CCDC171: variants seen among roughly 807,000 people sequenced by gnomAD.
The protein encoded by CCDC171 is coiled-coil domain containing 171, also known as coiled-coil domain-containing protein 171.
CCDC171 carries 177 observed loss-of-function variants against 168.2 expected under a neutral mutation model. That is an observed-to-expected ratio of 1.05 (90% CI 0.93 to 1.19). CCDC171 has a LOEUF of 1.19. Among genes scored for constraint, CCDC171 ranks in the 50% most tolerant of loss-of-function variants. The pLI is 0.00. For missense variants in CCDC171, 1,991 were observed against 1,539.0 expected (o/e 1.29, Z -4.91); for synonymous variants, 687 against 540.8 (o/e 1.27, Z -3.75).
At position 15,591,531 on chromosome 9, in the gene CCDC171, A is replaced by G. The variant is rs779680507; in HGVS notation, c.518A>G (p.Lys173Arg). Reference sequence around the variant, plus strand: ...GAATATGATTTACTTATGAAAGAAAAAAGCAGACTAGAGAAAACTCTACAG... The same window carrying G: ...GAATATGATTTACTTATGAAAGAAAGAAGCAGACTAGAGAAAACTCTACAG... Reference protein sequence around the residue: ...NREYDLLMKEKSRLEKTLQEA... With the variant: ...NREYDLLMKERSRLEKTLQEA... The change falls in exon 5 of 26, where the codon AAA becomes AGA. Residue 173 changes from lysine (K) to arginine (R), a missense_variant. Transcript: ENST00000380701. The G allele has an allele frequency of 6.3e-7, 1 of 1,580,678 alleles. No individual in the cohort carries two copies. The highest frequency in any genetic ancestry group is 1.9e-5 in the Admixed American group (1 of 52,578).
At chr9:15,608,786 A>G (rs1344721870) in intron 6 of CCDC171, among the ~76,000 whole-genome samples, 3 of 137,708 alleles carry the variant, frequency 2.2e-5, no homozygotes, top group Non-Finnish European at 4.7e-5. Context: ...TCTCTCTATG[A>G]AAAAAAAAAA....
chr9:15,698,096 T>G (rs2051358407), intron 11 of CCDC171, among the ~76,000 whole-genome samples: 1 of 152,194 alleles, frequency 6.6e-6, no homozygotes, highest in Non-Finnish European at 1.5e-5. Context: ...ACTCTAGAAC[T>G]TATTTCTTCT....
chr9:15,923,162 T>C (rs1166859936), intron 25 of CCDC171, among the ~76,000 whole-genome samples: 1 of 151,398 alleles, frequency 6.6e-6, no homozygotes. Flanking sequence ...AGTTACCCCA[T>C]GCTTTCTTCT....
At chr9:15,787,736 T>C (rs1166522937) in intron 21 of CCDC171, among the ~76,000 whole-genome samples, 1 of 152,204 alleles carries the variant, frequency 6.6e-6, no homozygotes, top group African/African-American at 2.4e-5. Context: ...TTACATTCTC[T>C]CCTAAGATAT....
At chr9:15,663,700 G>A (rs1215878930) in intron 8 of CCDC171, among the ~76,000 whole-genome samples, 1 of 149,882 alleles carries the variant, frequency 6.7e-6, no homozygotes, top group Non-Finnish European at 1.5e-5. Context: ...CTGCCTCCCA[G>A]ATTCATGCCA....
intron 7 of CCDC171, among the ~76,000 whole-genome samples, chr9:15,632,722 T>C (rs1040092921): frequency 3.9e-5 from 6 of 152,202 alleles, no homozygotes; most frequent in Admixed American, 3.9e-4. Context: ...AAGTCAATCC[T>C]AAGCCAAAAG....
At chr9:15,800,846 C>T (rs2058787250) in intron 21 of CCDC171, among the ~76,000 whole-genome samples, 1 of 151,988 alleles carries the variant, frequency 6.6e-6, no homozygotes, top group African/African-American at 2.4e-5. Flanking sequence ...TTCAATTTTC[C>T]CTACACTATT....
At chr9:15,595,148 ATT>A (rs201895652) in intron 6 of CCDC171, among the ~76,000 whole-genome samples, 1 of 148,980 alleles carries the variant, frequency 6.7e-6, no homozygotes, top group Non-Finnish European at 1.5e-5. Context: ...AAGCCACTTA[ATT>A]TTTTTTTTTA....
At chr9:15,779,705 G>A (rs185196085) in intron 20 of CCDC171, among the ~76,000 whole-genome samples, 102 of 152,258 alleles carry the variant, frequency 6.7e-4, no homozygotes, top group African/African-American at 2.4e-3. Flanking sequence ...AGATTATGTA[G>A]TATGAAATCA....
At chr9:15,974,921 C>T (rs1440435657), downstream of CCDC171, among the ~76,000 whole-genome samples, 1 of 151,840 alleles carries the variant, frequency 6.6e-6, no homozygotes, top group Non-Finnish European at 1.5e-5. Flanking sequence ...GGAAGTTGAT[C>T]CTATTTCACT....
rs779360486 is a variant in CCDC171, at chr9:15,846,710, C to T, written c.3276C>T (p.Ser1092=). The change falls in exon 22 of 26, where the codon TCC becomes TCT. Residue 1092 remains serine (S), a synonymous_variant. Transcript: ENST00000380701. ...QTLGEAVKSL[S]EAKMELRRKD... ...TTTCTGTCTGCTTGCAGAGTCTCTC[C>T]GAGGCAAAGATGGAGCTGAGAAGAA... 26 of 1,612,524 alleles carry T rather than the reference C, an allele frequency of 1.6e-5. No individual in the cohort carries two copies. The highest frequency in any genetic ancestry group is 6.7e-5 in the Admixed American group (4 of 59,830).
chr9:15,810,446 G>C (rs1242481524), intron 21 of CCDC171, among the ~76,000 whole-genome samples: 2 of 151,804 alleles, frequency 1.3e-5, no homozygotes, highest in Non-Finnish European at 2.9e-5. Context: ...TGTGGAGCAG[G>C]GGGTGGCGCC....
intron 25 of CCDC171, among the ~76,000 whole-genome samples, chr9:15,951,171 A>C (rs1440362422): frequency 4.6e-5 from 7 of 150,598 alleles, no homozygotes; most frequent in African/African-American, 7.3e-5. Context: ...ACACATTAAT[A>C]ATGGGAGACT....
chr9:15,709,390 A>G (rs765082727), intron 11 of CCDC171, among the ~76,000 whole-genome samples: 2 of 152,194 alleles, frequency 1.3e-5, no homozygotes, highest in Non-Finnish European at 2.9e-5. Context: ...AAATGTAGAA[A>G]AAAGAACACA....
At chr9:16,037,324 T>C (rs1322485971) in intron 8 of CCDC171, among the ~76,000 whole-genome samples, 1 of 152,254 alleles carries the variant, frequency 6.6e-6, no homozygotes, top group African/African-American at 2.4e-5. Context: ...TTCTAGGCCA[T>C]GATGCCATGC....
At chr9:16,079,556 C>A in the CCDC171 span, among the ~76,000 whole-genome samples, 261 of 152,288 alleles carry the variant, frequency 1.7e-3, no homozygotes, top group Non-Finnish European at 2.5e-3. Flanking sequence ...AGCAAACGAA[C>A]AAAGAACACC....
At chr9:15,969,386 A>G (rs1461910051) in intron 25 of CCDC171, among the ~76,000 whole-genome samples, 1 of 152,204 alleles carries the variant, frequency 6.6e-6, no homozygotes, top group Non-Finnish European at 1.5e-5. Flanking sequence ...ATTTGCAAGA[A>G]CAAAAAGGGA....
chr9:15,730,938 T>C (rs150287983), intron 16 of CCDC171, among the ~76,000 whole-genome samples: 10 of 152,046 alleles, frequency 6.6e-5, no homozygotes, highest in Non-Finnish European at 1.0e-4. Context: ...TTAAAAAGTA[T>C]TTATTTGATA....
intron 21 of CCDC171, among the ~76,000 whole-genome samples, chr9:15,804,739 T>C (rs958132826): frequency 6.6e-6 from 1 of 152,146 alleles, no homozygotes; most frequent in African/African-American, 2.4e-5. Context: ...AGGATAATGC[T>C]GGCCTCATAG....
Sources: gnomAD v4.1 joint callset for allele counts (sites outside exome capture counted in the v4.1 genomes callset) on GRCh38, gnomAD v4.1.1 for gene constraint, MANE v1.5 for transcripts, NCBI Gene and HGNC (gene_info 2026-07-23, HGNC 2026-07-21) for gene names.